USP15: variants seen among roughly 807,000 people sequenced by gnomAD.
USP15 encodes ubiquitin specific peptidase 15.
In USP15, 18 loss-of-function variants were observed where a neutral mutation model predicts 127.1. The ratio of observed to expected loss-of-function variants is 0.14; its 90% CI spans 0.10 to 0.21. The LOEUF (loss-of-function observed/expected upper bound fraction) is 0.21, where lower values mean the gene tolerates loss of function less well. Ranked by LOEUF, USP15 falls within the 10% of genes least tolerant of loss-of-function variation. The pLI is 1.00. For missense variants in USP15, 805 were observed against 1,159.9 expected (o/e 0.69, Z 4.44); for synonymous variants, 364 against 393.7 (o/e 0.92, Z 0.89).
At chr12:62,369,453 A>T (rs1318897062) in intron 8 of USP15, among the ~76,000 whole-genome samples, 1 of 145,590 alleles carries the variant, frequency 6.9e-6, no homozygotes, top group Non-Finnish European at 1.5e-5. Flanking sequence ...GGAATCCTTT[A>T]TATGCCAACT....
At chr12:62,381,126 A>C (rs1278206691) in intron 8 of USP15, among the ~76,000 whole-genome samples, 1 of 152,058 alleles carries the variant, frequency 6.6e-6, no homozygotes, top group African/African-American at 2.4e-5. Flanking sequence ...TACTCAGGCT[A>C]ATTTGCAGGT....
In USP15 at chr12:62,314,880, G is replaced by A. The variant is rs760227398; in HGVS notation, c.439G>A (p.Val147Ile). 5.6e-6 allele frequency: 9 copies of A among 1,594,004 alleles called. No homozygotes were observed. Among genetic ancestry groups the A allele is most frequent in the African/African-American group, 1.4e-5 (1 of 73,956 alleles). The change falls in exon 4 of 22, where the codon GTT (valine) becomes ATT (isoleucine). Residue 147 changes from valine to isoleucine, a missense_variant. Physicochemically the swap from Val to Ile is conservative, Grantham distance 29 (BLOSUM62 3). This residue lies in a region of USP15 where 57 missense variants were observed against 47.3 expected (regional missense o/e 1.20). Coordinates refer to ENST00000280377, the MANE Select transcript of USP15 (RefSeq NM_001252078.2). Reference sequence around the variant, plus strand: ...ATGTGAAAATGGAAACATGAATAATGTTGTAACTCGAAGATTTAGCAAAGC... The same window carrying A: ...ATGTGAAAATGGAAACATGAATAATATTGTAACTCGAAGATTTAGCAAAGC... ...KLCENGNMNN[V>I]VTRRFSKADT...
At chr12:62,361,660 A>T (rs2066321179) in intron 8 of USP15, among the ~76,000 whole-genome samples, 1 of 151,986 alleles carries the variant, frequency 6.6e-6, no homozygotes, top group Admixed American at 6.6e-5. Flanking sequence ...AAAACAAAAG[A>T]AATGTCAATC....
At chr12:62,285,153 C>A (rs1288617040) in intron 1 of USP15, among the ~76,000 whole-genome samples, 1 of 152,122 alleles carries the variant, frequency 6.6e-6, no homozygotes, top group South Asian at 2.1e-4. Context: ...AGTTTTGTTA[C>A]ATGGATGAAC....
Position 62,384,507 on chromosome 12 carries a change from G to A in USP15, c.1473+205G>A, listed in dbSNP as rs577146627. On this transcript the variant is annotated intron_variant, in intron 11 of 21. Transcript: ENST00000280377. ...CTTTTTACAGTCTTGAAAGAGCAAC[G>A]TGTGTCTTATAAAAAATTCTCAAAA... Among the ~76,000 whole-genome samples the A allele has an allele frequency of 4.0e-5, 6 of 151,592 alleles. No individual in the cohort carries two copies. In the East Asian group the frequency reaches 5.8e-4, roughly 15 times the overall value.
At position 62,384,316 on chromosome 12, in the gene USP15, TGG is replaced by T; in HGVS notation, c.1473+15_1473+16del. The stretch of plus-strand genomic sequence containing the variant: ...AAACCTATGCAGGTAAATCATGGGT[TGG>T]TTTGTTTTGTTTTTTTTTTTTTTTT... On this transcript the variant is annotated intron_variant, in intron 11 of 21. Transcript: ENST00000280377. 2 of 1,451,284 alleles carry T rather than the reference TGG, an allele frequency of 1.4e-6. No homozygotes were observed. Among genetic ancestry groups the T allele is most frequent in the Non-Finnish European group, 1.8e-6 (2 of 1,103,330 alleles). The allele number at this position is 1,451,284 out of a possible 1,614,324, so 89.9% of individuals were successfully genotyped here.
intron 6 of USP15, chr12:62,335,504 T>C: frequency 1.7e-6 from 2 of 1,179,772 alleles, no homozygotes; most frequent in Non-Finnish European, 2.1e-6. Context: ...TTTATCTCAA[T>C]GCTTCCTGGT....
intron 1 of USP15, among the ~76,000 whole-genome samples, chr12:62,269,814 A>G (rs2063302949): frequency 6.6e-6 from 1 of 152,288 alleles, no homozygotes; most frequent in South Asian, 2.1e-4. Context: ...ATATCCATTT[A>G]TCAATTGATA....
intron 14 of USP15, 44 bp from the exon 15 acceptor site, chr12:62,390,820 A>G (rs368226918): frequency 7.0e-7 from 1 of 1,419,850 alleles, no homozygotes; most frequent in Non-Finnish European, 9.7e-7. Flanking sequence ...AAAAGTTTTT[A>G]TCTTTGTAGT....
chr12:62,360,169 C>T (rs1317948496), intron 8 of USP15, among the ~76,000 whole-genome samples: 1 of 151,892 alleles, frequency 6.6e-6, no homozygotes, highest in African/African-American at 2.4e-5. Flanking sequence ...AGCAGCATGG[C>T]ATAAGATGGT....
At chr12:62,271,037 A>T (rs2063335324) in intron 1 of USP15, among the ~76,000 whole-genome samples, 1 of 151,922 alleles carries the variant, frequency 6.6e-6, no homozygotes, top group South Asian at 2.1e-4. Flanking sequence ...TCCTAATCTC[A>T]TGCCCCAAAA....
intron 19 of USP15, 32 bp from the exon 20 acceptor site, chr12:62,396,263 A>G (rs752785746): frequency 2.0e-6 from 3 of 1,532,490 alleles, no homozygotes; most frequent in Non-Finnish European, 1.8e-6. Context: ...TAGGGACAAC[A>G]TAAAAATTAA....
rs1028838209 is a variant in USP15, at chr12:62,411,007, T to G, written c.*6632T>G. On this transcript the variant is annotated 3_prime_UTR_variant, in exon 22 of 22. Coordinates refer to ENST00000280377, the MANE Select transcript of USP15 (RefSeq NM_001252078.2). ...AACAGGCACCTTGGTTGCAACACCA[T>G]GAAAGACCTTGATCCAGAGGTTCTC... 1 of 152,172 alleles carries G rather than the reference T, an allele frequency of 6.6e-6. No individual in the cohort carries two copies. Among genetic ancestry groups the G allele is most frequent in the African/African-American group, 2.4e-5 (1 of 41,436 alleles). 9.4% of individuals were successfully genotyped at this position (152,172 alleles called of 1,614,324 possible).
intron 1 of USP15, chr12:62,278,552 C>T (rs1428765589): frequency 2.0e-5 from 3 of 152,064 alleles, no homozygotes; most frequent in Non-Finnish European, 4.4e-5. Context: ...CATCATTAAG[C>T]AAAAGGGCTT....
intron 5 of USP15, among the ~76,000 whole-genome samples, chr12:62,324,904 AG>A (rs1200208124): frequency 6.6e-6 from 1 of 151,928 alleles, no homozygotes; most frequent in Non-Finnish European, 1.5e-5. Flanking sequence ...AAGTGCATGT[AG>A]AGTAGTTTAT....
chr12:62,327,562 A>C, intron 6 of USP15: 1 of 381,510 alleles, frequency 2.6e-6, no homozygotes. Flanking sequence ...ATTAAAAAAA[A>C]CCCATGAGTT....
intron 8 of USP15, among the ~76,000 whole-genome samples, 156 bp downstream of exon 8, chr12:62,355,631 C>T (rs2066098751): frequency 6.6e-6 from 1 of 151,792 alleles, no homozygotes. Flanking sequence ...ATTCATTCTA[C>T]TACTGGTAGT....
intron 6 of USP15, among the ~76,000 whole-genome samples, chr12:62,326,151 T>C (rs1016459227): frequency 6.6e-6 from 1 of 152,184 alleles, no homozygotes; most frequent in African/African-American, 2.4e-5. Flanking sequence ...TCTTAAGGCA[T>C]AGTATAAATG....
At chr12:62,337,172 G>A (rs553860944) in intron 6 of USP15, among the ~76,000 whole-genome samples, 9 of 152,070 alleles carry the variant, frequency 5.9e-5, no homozygotes, top group Non-Finnish European at 1.2e-4. Context: ...ATTCTTCATC[G>A]AAAGCCCAAA....
Sources: allele counts gnomAD v4.1 joint callset (sites outside exome capture counted in the v4.1 genomes callset), GRCh38; gene constraint gnomAD v4.1.1; regional missense constraint gnomAD v4.1.1; transcripts MANE v1.5; gene names NCBI Gene and HGNC (gene_info 2026-07-23, HGNC 2026-07-21).